SNX29: variants seen among roughly 807,000 people sequenced by gnomAD.
The protein encoded by SNX29 is sorting nexin-29.
In SNX29, 78 loss-of-function variants were observed where a neutral mutation model predicts 102.1. The ratio of observed to expected loss-of-function variants is 0.76; its 90% confidence interval spans 0.64 to 0.92. The LOEUF is 0.92. Among genes scored for constraint, SNX29 ranks in the 40% least tolerant of loss-of-function variants. SNX29 has a pLI of 0.00. For synonymous variants in SNX29, 580 were observed against 414.5 expected (o/e 1.40, Z -4.85); for missense variants, 1,280 against 1,061.7 (o/e 1.21, Z -2.86).
intron 20 of SNX29, chr16:12,526,453 T>A (rs2076785768): frequency 8.7e-6 from 4 of 458,318 alleles, no homozygotes; most frequent in Non-Finnish European, 1.7e-5. Flanking sequence ...CATTATAGTA[T>A]CCTGCTGCCT....
chr16:12,141,476 C>A (rs1298530986), intron 13 of SNX29, among the ~76,000 whole-genome samples: 1 of 152,226 alleles, frequency 6.6e-6, no homozygotes. Flanking sequence ...AGTAAAGAAG[C>A]AAAAGAAGGG....
At chr16:12,431,338 C>G (rs2085304812) in intron 18 of SNX29, among the ~76,000 whole-genome samples, 1 of 151,930 alleles carries the variant, frequency 6.6e-6, no homozygotes, top group South Asian at 2.1e-4. Context: ...ATTAACAGCC[C>G]CAGGGGTCTG....
intron 20 of SNX29, among the ~76,000 whole-genome samples, chr16:12,559,909 G>C (rs780125480): frequency 1.3e-5 from 2 of 152,140 alleles, no homozygotes; most frequent in Non-Finnish European, 2.9e-5. Flanking sequence ...AATGCAGGAG[G>C]TGGAGCTTGC....
Position 12,572,744 on chromosome 16 carries a change from G to A in SNX29, c.*4115G>A, listed in dbSNP as rs927410706. On this transcript the variant is annotated 3_prime_UTR_variant, in exon 21 of 21. Transcript: ENST00000566228. ...AGAACTGATGGCAAAGGAAGGGCTGGGTTTTCAGCTTCTGGGACCCGAGGA... is the reference window on the plus strand; with the variant it reads ...AGAACTGATGGCAAAGGAAGGGCTGAGTTTTCAGCTTCTGGGACCCGAGGA... 4.2e-5 allele frequency: 45 copies of A among 1,064,018 alleles called. No individual in the cohort carries two copies. The highest frequency in any genetic ancestry group is 4.9e-5 in the Non-Finnish European group (43 of 878,560). The allele number at this position is 1,064,018 out of a possible 1,614,324, so 65.9% of individuals were successfully genotyped here.
At chr16:12,333,896 C>G (rs2081367833) in intron 15 of SNX29, among the ~76,000 whole-genome samples, 1 of 152,156 alleles carries the variant, frequency 6.6e-6, no homozygotes, top group African/African-American at 2.4e-5. Context: ...GTGTGGCTGC[C>G]AGGCAGATGC....
At chr16:12,093,287 T>C (rs2052634983) in intron 11 of SNX29, among the ~76,000 whole-genome samples, 1 of 152,170 alleles carries the variant, frequency 6.6e-6, no homozygotes, top group Admixed American at 6.5e-5. Flanking sequence ...GGAAAGAACA[T>C]GGGTCAGGCA....
At chr16:11,981,616 A>G (rs1020226741) in intron 1 of SNX29, among the ~76,000 whole-genome samples, 2 of 152,174 alleles carry the variant, frequency 1.3e-5, no homozygotes, top group African/African-American at 2.4e-5. Flanking sequence ...ATTGGTAATT[A>G]GAGTCTGCTG....
chr16:12,229,370 G>C (rs1171805468), intron 14 of SNX29, among the ~76,000 whole-genome samples: 2 of 152,156 alleles, frequency 1.3e-5, no homozygotes, highest in Non-Finnish European at 2.9e-5. Flanking sequence ...GGCCTGGTCT[G>C]GATCTAAATG....
rs543639078 is a variant in SNX29, at chr16:12,152,814, T to A, written c.1595+23056T>A. ...TCTGAACACCAGTAATGGTTCTGTC[T>A]CACATAGGTCAGCTAAGTTAATCGT... is the stretch of plus-strand genomic sequence containing the variant. On this transcript the variant is annotated intron_variant, in intron 13 of 20. Transcript: ENST00000566228. Among the ~76,000 whole-genome samples the A allele has an allele frequency of 4.9e-4, 74 of 152,326 alleles. 1 individual carries two copies. The highest frequency in any genetic ancestry group is 1.7e-3 in the African/African-American group (72 of 41,562).
At chr16:12,363,429 G>A (rs1332242672) in intron 16 of SNX29, among the ~76,000 whole-genome samples, 1 of 152,168 alleles carries the variant, frequency 6.6e-6, no homozygotes, top group African/African-American at 2.4e-5. Flanking sequence ...GGGTGTTCGA[G>A]TGACTCAGGG....
At chr16:12,265,782 T>G (rs933644340) in intron 14 of SNX29, among the ~76,000 whole-genome samples, 1 of 148,902 alleles carries the variant, frequency 6.7e-6, no homozygotes, top group Non-Finnish European at 1.5e-5. Context: ...CCCAGCTACT[T>G]GGGAGGCCGA....
At position 12,546,948 on chromosome 16, in the gene SNX29, CCCCACCCCTCCATCCA is replaced by C. The variant is rs2077643085; in HGVS notation, c.2319-21553_2319-21538del. Among the ~76,000 whole-genome samples the C allele has an allele frequency of 7.2e-5, 11 of 152,262 alleles. No individual in the cohort carries two copies. In the South Asian group the frequency reaches 2.3e-3, roughly 32 times the overall value. On this transcript the variant is annotated intron_variant, in intron 20 of 20. Transcript: ENST00000566228. The stretch of plus-strand genomic sequence containing the variant: ...AGCAGGGATGAAGAGAAAATAAATT[CCCCACCCCTCCATCCA>C]CCCATTCCTCCAATTAGTACTTACA...
At chr16:12,152,114 T>A (rs1049055189) in intron 13 of SNX29, among the ~76,000 whole-genome samples, 5 of 152,054 alleles carry the variant, frequency 3.3e-5, no homozygotes, top group African/African-American at 1.2e-4. Flanking sequence ...ACGGCTACTT[T>A]GGAGGCTGAG....
At chr16:12,232,944 A>C (rs2077814806) in intron 14 of SNX29, among the ~76,000 whole-genome samples, 1 of 152,214 alleles carries the variant, frequency 6.6e-6, no homozygotes, top group South Asian at 2.1e-4. Context: ...TCCACCCGGA[A>C]CTTGTCCTCC....
In SNX29 at chr16:12,380,529, C is replaced by T. The variant is rs115950494; in HGVS notation, c.1900-17917C>T. Among the ~76,000 whole-genome samples, 423 of 133,614 alleles carry T rather than the reference C, an allele frequency of 3.2e-3. 1 individual carries two copies. The highest frequency in any genetic ancestry group is 0.011 in the African/African-American group (398 of 35,442). The allele number at this position is 133,614 out of a possible 152,430, so 87.7% of individuals were successfully genotyped here. A position where few individuals can be genotyped will look rare whatever the true frequency, so the allele number is the denominator to read the frequency against. Reference sequence around the variant, plus strand: ...ACCTACCCACCCCTCATCCATCCACCTGTCCACCTACCACCCACCATCCAT... The same window carrying T: ...ACCTACCCACCCCTCATCCATCCACTTGTCCACCTACCACCCACCATCCAT... On this transcript the variant is annotated intron_variant, in intron 16 of 20. Coordinates refer to ENST00000566228, the MANE Select transcript of SNX29 (RefSeq NM_032167.5).
chr16:12,481,025 C>G (rs567941083), intron 19 of SNX29, among the ~76,000 whole-genome samples: 26 of 152,198 alleles, frequency 1.7e-4, no homozygotes, highest in Non-Finnish European at 2.9e-4. Flanking sequence ...GCTAGAGAGA[C>G]AATCTGTCCC....
intron 13 of SNX29, among the ~76,000 whole-genome samples, chr16:12,156,892 G>C (rs941271743): frequency 6.6e-6 from 1 of 151,928 alleles, no homozygotes; most frequent in African/African-American, 2.4e-5. Flanking sequence ...CCAAGGACCA[G>C]GGGGCATTTT....
At chr16:12,117,415 T>C (rs78416288) in intron 11 of SNX29, among the ~76,000 whole-genome samples, 2,853 of 64,444 alleles carry the variant, frequency 0.044, 2 homozygotes, top group African/African-American at 0.077. Flanking sequence ...CGTGCTTCAA[T>C]GCGGACGAAC....
intron 14 of SNX29, among the ~76,000 whole-genome samples, chr16:12,264,721 G>T (rs972409023): frequency 2.0e-5 from 3 of 151,656 alleles, no homozygotes; most frequent in Non-Finnish European, 2.9e-5. Context: ...GGCATAGGTT[G>T]CAGTGAGCCG....
Sources: allele counts gnomAD v4.1 joint callset (sites outside exome capture counted in the v4.1 genomes callset), GRCh38; gene constraint gnomAD v4.1.1; transcripts MANE v1.5; gene names NCBI Gene and HGNC (gene_info 2026-07-23, HGNC 2026-07-21).